The following COMMD10 variants were observed in gnomAD, a reference collection of about 807,000 sequenced individuals.
COMMD10 encodes the protein COMM domain-containing protein 10.
Under a neutral mutation model 28.9 loss-of-function variants are expected in COMMD10, and 33 were observed. The ratio of observed to expected loss-of-function variants is 1.14; its 90% confidence interval spans 0.87 to 1.53. COMMD10 has a LOEUF of 1.53. Among genes scored for constraint, COMMD10 ranks in the 40% most tolerant of loss-of-function variants. The pLI is 0.00. For missense variants in COMMD10, 310 were observed against 233.4 expected (o/e 1.33, Z -2.14); for synonymous variants, 110 against 81.7 (o/e 1.35, Z -1.87).
chr5:116,270,125 C>G (rs561034785), intron 5 of COMMD10, among the ~76,000 whole-genome samples: 1 of 151,856 alleles, frequency 6.6e-6, no homozygotes, highest in African/African-American at 2.4e-5. Context: ...TTATTTCCTA[C>G]TTTACATTTT....
At chr5:116,175,276 G>T (rs1356304502) in intron 5 of COMMD10, among the ~76,000 whole-genome samples, 1 of 151,918 alleles carries the variant, frequency 6.6e-6, no homozygotes, top group Non-Finnish European at 1.5e-5. Context: ...AAAAAAAATT[G>T]CTGCAGCTCA....
At chr5:116,109,008 A>G (rs575574537) in intron 4 of COMMD10, among the ~76,000 whole-genome samples, 4 of 152,058 alleles carry the variant, frequency 2.6e-5, no homozygotes, top group African/African-American at 4.8e-5. Context: ...GCTTCTGCTC[A>G]CCATCCGTGG....
chr5:116,132,418 T>C (rs150315035), intron 4 of COMMD10, among the ~76,000 whole-genome samples: 1 of 152,124 alleles, frequency 6.6e-6, no homozygotes, highest in African/African-American at 2.4e-5. Context: ...AATCATAAAC[T>C]TCAAATATAG....
chr5:116,144,999 G>C (rs1164741741), intron 5 of COMMD10, among the ~76,000 whole-genome samples: 1 of 151,864 alleles, frequency 6.6e-6, no homozygotes, highest in Non-Finnish European at 1.5e-5. Flanking sequence ...GGAAAGGTAG[G>C]ATTCAATCAG....
At chr5:116,147,383 G>C (rs1752385298) in intron 5 of COMMD10, among the ~76,000 whole-genome samples, 1 of 151,800 alleles carries the variant, frequency 6.6e-6, no homozygotes, top group Non-Finnish European at 1.5e-5. Context: ...AGACAGATAG[G>C]ATTAATATAA....
chr5:116,123,541 G>C (rs946426362), intron 4 of COMMD10, among the ~76,000 whole-genome samples: 1 of 151,964 alleles, frequency 6.6e-6, no homozygotes, highest in African/African-American at 2.4e-5. Flanking sequence ...TTTTTTTGTC[G>C]TGTCTCTGTC....
chr5:116,288,273 C>G (rs1225566245), intron 5 of COMMD10, among the ~76,000 whole-genome samples: 1 of 151,718 alleles, frequency 6.6e-6, no homozygotes. Context: ...TATCATCCTA[C>G]TCCTTTCTGG....
At chr5:116,129,182 G>T (rs1023649601) in intron 4 of COMMD10, among the ~76,000 whole-genome samples, 3 of 151,278 alleles carry the variant, frequency 2.0e-5, no homozygotes, top group Non-Finnish European at 3.0e-5. Flanking sequence ...AACTTACAGA[G>T]AAGTTGCCAT....
chr5:116,214,275 G>A (rs1749043709), intron 5 of COMMD10, among the ~76,000 whole-genome samples: 1 of 151,178 alleles, frequency 6.6e-6, no homozygotes. Flanking sequence ...TTCTAAAGTA[G>A]ACAGTAATTT....
intron 5 of COMMD10, among the ~76,000 whole-genome samples, chr5:116,137,206 A>G (rs537093180): frequency 3.5e-4 from 53 of 151,980 alleles, no homozygotes; most frequent in Non-Finnish European, 7.1e-4. Context: ...GTTAATTTTT[A>G]TGTGACTCCT....
In COMMD10 at chr5:116,224,391, C is replaced by T. The variant is rs941114197; in HGVS notation, c.511-67126C>T. 1.3e-5 allele frequency among the ~76,000 whole-genome samples: 2 copies of T among 152,126 alleles called. 1 individual carries two copies. Among genetic ancestry groups the T allele is most frequent in the African/African-American group, 4.8e-5 (2 of 41,408 alleles). On this transcript the variant is annotated intron_variant, in intron 5 of 6. Transcript: ENST00000274458. ...TGTTGGTATAAAGGAATATCTGAGA[C>T]TGGGTAATTTACAAAGGAATGATAT...
chr5:116,096,171 T>C (rs1750460665), intron 4 of COMMD10, among the ~76,000 whole-genome samples: 1 of 152,074 alleles, frequency 6.6e-6, no homozygotes, highest in Non-Finnish European at 1.5e-5. Context: ...ATTGGGGTTG[T>C]GTTTAATTTG....
intron 4 of COMMD10, among the ~76,000 whole-genome samples, chr5:116,127,741 A>C (rs1380394013): frequency 6.6e-6 from 1 of 152,148 alleles, no homozygotes; most frequent in Non-Finnish European, 1.5e-5. Flanking sequence ...ACACTTGGAC[A>C]CAGGGTGGAG....
intron 5 of COMMD10, among the ~76,000 whole-genome samples, chr5:116,258,221 A>G (rs1750343795): frequency 6.6e-6 from 1 of 151,554 alleles, no homozygotes; most frequent in South Asian, 2.1e-4. Flanking sequence ...GAATTTCAAT[A>G]CTCTTTTCTA....
At chr5:116,241,601 T>TATTC (rs1749814402) in intron 5 of COMMD10, among the ~76,000 whole-genome samples, 1 of 149,244 alleles carries the variant, frequency 6.7e-6, no homozygotes, top group Non-Finnish European at 1.5e-5. Flanking sequence ...TTTATTTATT[T>TATTC]ATTTATTTAT....
chr5:116,109,314 G>T (rs1750962383), intron 4 of COMMD10, among the ~76,000 whole-genome samples: 1 of 152,202 alleles, frequency 6.6e-6, no homozygotes, highest in African/African-American at 2.4e-5. Context: ...TGAGCACTAT[G>T]GGCTCATGCC....
chr5:116,150,337 C>T (rs887704087), intron 5 of COMMD10, among the ~76,000 whole-genome samples: 30 of 152,064 alleles, frequency 2.0e-4, no homozygotes, highest in East Asian at 1.9e-3. Context: ...CTTGGCAATG[C>T]GGGCTCTTTT....
chr5:116,095,406 G>A (rs116730649), intron 4 of COMMD10, among the ~76,000 whole-genome samples: 8 of 152,208 alleles, frequency 5.3e-5, no homozygotes, highest in African/African-American at 1.9e-4. Context: ...AAGCTAAGCT[G>A]TGATGTTTGG....
At chr5:116,125,905 A>G (rs912053604) in intron 4 of COMMD10, among the ~76,000 whole-genome samples, 1 of 152,146 alleles carries the variant, frequency 6.6e-6, no homozygotes, top group Non-Finnish European at 1.5e-5. Context: ...CCTGTTCAGC[A>G]TAGTGTTGGA....
Sources: allele counts gnomAD v4.1 joint callset (sites outside exome capture counted in the v4.1 genomes callset), GRCh38; gene constraint gnomAD v4.1.1; transcripts MANE v1.5; gene names NCBI Gene and HGNC (gene_info 2026-07-23, HGNC 2026-07-21).